BRCA1: variants seen among roughly 807,000 people sequenced by gnomAD.
BRCA1 encodes the protein breast cancer type 1 susceptibility protein.
Under a neutral mutation model 173.7 loss-of-function variants are expected in BRCA1, and 140 were observed. That is an observed-to-expected ratio of 0.81 (90% CI 0.70 to 0.93). The LOEUF is 0.93. Ranked by LOEUF, BRCA1 falls within the 40% of genes least tolerant of loss-of-function variation. The pLI, the probability that BRCA1 is intolerant of heterozygous loss-of-function variation, is 0.00. For synonymous variants in BRCA1, 662 were observed against 756.0 expected, an observed-to-expected ratio of 0.88 and a Z score of 2.04; for missense variants, 1,983 against 2,172.5, an observed-to-expected ratio of 0.91 and a Z score of 1.73.
chr17:43,074,529 G>T lies in BRCA1; in HGVS notation c.4485-8C>A, dbSNP rs397507234. 6.2e-7 allele frequency: 1 copy of T among 1,611,890 alleles called. No homozygotes were observed. Among genetic ancestry groups the T allele is most frequent in the Non-Finnish European group, 8.5e-7 (1 of 1,178,096 alleles). On this transcript the variant is annotated splice_region_variant and splice_polypyrimidine_tract_variant and intron_variant, in intron 13 of 22. Transcript: ENST00000357654. ...CATTTAGAAGGGGATGACCTAGAAAGATAAATGGAAGGAGAAAACCATCGC... is the reference window on the plus strand; with the variant it reads ...CATTTAGAAGGGGATGACCTAGAAATATAAATGGAAGGAGAAAACCATCGC...
chr17:43,112,208 G>A (rs1433329692), intron 3 of BRCA1, among the ~76,000 whole-genome samples: 3 of 151,924 alleles, frequency 2.0e-5, no homozygotes, highest in Non-Finnish European at 4.4e-5. Flanking sequence ...CTCTGCCTCA[G>A]CCTCCTGAGT....
chr17:43,067,408 C>A (rs535142257), intron 16 of BRCA1, 200 bp downstream of exon 16: 23 of 470,086 alleles, frequency 4.9e-5, no homozygotes, highest in South Asian at 4.3e-4. Flanking sequence ...GCGCACGCGA[C>A]CACACCCAGC....
intron 1 of BRCA1, among the ~76,000 whole-genome samples, chr17:43,145,817 T>C (rs992115219): frequency 1.3e-5 from 2 of 152,164 alleles, no homozygotes; most frequent in Non-Finnish European, 2.9e-5. Flanking sequence ...TATTGAATTA[T>C]GGGAGACTTT....
intron 1 of BRCA1, among the ~76,000 whole-genome samples, chr17:43,142,978 GTGTATATATATA>G (rs1379919697): frequency 7.5e-6 from 1 of 133,798 alleles, no homozygotes; most frequent in African/African-American, 2.7e-5. Context: ...ATATATATGT[GTGTATATATATA>G]TGTATATATG....
At chr17:43,124,895 G>C (rs1357072606) in intron 1 of BRCA1, 1 of 310,414 alleles carries the variant, frequency 3.2e-6, no homozygotes, top group Non-Finnish European at 6.4e-6. Flanking sequence ...TAGCTGGAGC[G>C]GCACCACGCC....
intron 1 of BRCA1, chr17:43,169,838 A>T: frequency 3.3e-6 from 1 of 305,822 alleles, no homozygotes; most frequent in South Asian, 2.7e-5. Flanking sequence ...TCCCCCGTCC[A>T]GAACGTCTCA....
At position 43,101,650 on chromosome 17, in the gene BRCA1, G is replaced by C. The variant is rs142854457; in HGVS notation, c.442-1770C>G. ...CCCGAGTAGCTGGGATTACAGGTACGTGCCACCACACCCAGCTAATTTTTG... is the reference window on the plus strand; with the variant it reads ...CCCGAGTAGCTGGGATTACAGGTACCTGCCACCACACCCAGCTAATTTTTG... On this transcript the variant is annotated intron_variant, in intron 6 of 22. Transcript: ENST00000357654. Among the ~76,000 whole-genome samples, 2,138 of 151,434 alleles carry C rather than the reference G, an allele frequency of 0.014. 54 individuals carry two copies. Among genetic ancestry groups the C allele is most frequent in the African/African-American group, 0.049 (2,003 of 41,228 alleles).
chr17:43,064,471 C>T (rs959142450), intron 16 of BRCA1, among the ~76,000 whole-genome samples: 1 of 152,194 alleles, frequency 6.6e-6, no homozygotes, highest in African/African-American at 2.4e-5. Context: ...GAATACAGTG[C>T]AGAGCTTTTA....
At chr17:43,145,224 A>G in intron 1 of BRCA1, 1 of 702,144 alleles carries the variant, frequency 1.4e-6, no homozygotes, top group South Asian at 1.4e-5. Context: ...CCAGCCTCTG[A>G]TGAAGCAGGA....
rs573470205 is a variant in BRCA1 at position 43,131,715 on chromosome 17, C to T, written c.-19-7600G>A. On this transcript the variant is annotated intron_variant, in intron 1 of 7. Transcript: ENST00000634433. ...CAGCCTCGGTGACAGAGCGAGACTC[C>T]GTCTCAAAAAAAAAAAAAGGATATC... is the stretch of plus-strand genomic sequence containing the variant. 3.7e-3 allele frequency among the ~76,000 whole-genome samples: 553 copies of T among 149,946 alleles called. 2 individuals carry two copies. Among genetic ancestry groups the T allele is most frequent in the African/African-American group, 0.013 (514 of 40,850 alleles).
At chr17:43,100,696 T>C in intron 6 of BRCA1, among the ~76,000 whole-genome samples, 1 of 25,252 alleles carries the variant, frequency 4.0e-5, no homozygotes, top group Non-Finnish European at 2.3e-4. Context: ...TATATATATA[T>C]ATATATGTAA....
chr17:43,117,546 C>T (rs2055352260), intron 2 of BRCA1, among the ~76,000 whole-genome samples: 1 of 152,194 alleles, frequency 6.6e-6, no homozygotes, highest in African/African-American at 2.4e-5. Flanking sequence ...CGAGACCAGC[C>T]TGGCCAACAC....
In BRCA1 at chr17:43,091,712, C is replaced by G. The variant is rs1293826790; in HGVS notation, c.3819G>C (p.Gln1273His). The G allele has an allele frequency of 6.2e-7, 1 of 1,614,198 alleles. No individual in the cohort carries two copies. The highest frequency in any genetic ancestry group is 1.3e-5 in the African/African-American group (1 of 75,054). Residue 1273 changes from glutamine (Q) to histidine (H), a missense_variant, in exon 10 of 23, where the codon CAG becomes CAC. Gln to His is a conservative substitution (Grantham distance 24). Coordinates refer to ENST00000357654, the MANE Select transcript of BRCA1 (RefSeq NM_007294.4). ...LKNSLNDCSN[Q>H]VILAKASQEH... ...CCTGAGATGCCTTTGCCAATATTAC[C>G]TGGTTACTGCAGTCATTTAAGCTAT...
chr17:43,065,037 A>G (rs559136129), intron 16 of BRCA1, among the ~76,000 whole-genome samples: 29 of 152,082 alleles, frequency 1.9e-4, no homozygotes, highest in Admixed American at 6.6e-5. Flanking sequence ...TCACCGTGTT[A>G]GCCAGGATGG....
intron 12 of BRCA1, chr17:43,079,868 C>A: frequency 1.5e-6 from 1 of 662,782 alleles, no homozygotes; most frequent in Non-Finnish European, 2.7e-6. Flanking sequence ...CATATAAATT[C>A]CTCTTCTTAC....
intron 18 of BRCA1, among the ~76,000 whole-genome samples, chr17:43,058,196 C>T (rs1253390724): frequency 6.6e-6 from 1 of 151,732 alleles, no homozygotes; most frequent in Non-Finnish European, 1.5e-5. Flanking sequence ...CAGTGAGACC[C>T]CTTCTCTAGA....
intron 19 of BRCA1, among the ~76,000 whole-genome samples, chr17:43,052,817 ACACACACT>A (rs761604604): frequency 0.067 from 8,599 of 127,488 alleles, 297 homozygotes; most frequent in Non-Finnish European, 0.09. Context: ...ACACACACAC[ACACACACT>A]CTCTTACTTT....
intron 1 of BRCA1, chr17:43,140,137 A>G: frequency 3.1e-6 from 1 of 321,882 alleles, no homozygotes; most frequent in South Asian, 2.5e-5. Context: ...TGCGTGACAA[A>G]GCCTCCAGAA....
At chr17:43,100,162 A>G (rs2054320906) in intron 6 of BRCA1, among the ~76,000 whole-genome samples, 1 of 152,198 alleles carries the variant, frequency 6.6e-6, no homozygotes, top group South Asian at 2.1e-4. Context: ...CCCAGTCTCT[A>G]CAAAATAATA....
Sources: allele counts gnomAD v4.1 joint callset (sites outside exome capture counted in the v4.1 genomes callset), GRCh38; gene constraint gnomAD v4.1.1; transcripts MANE v1.5; gene names NCBI Gene and HGNC (gene_info 2026-07-23, HGNC 2026-07-21).